The following CAST variants were observed in gnomAD, a reference collection of about 807,000 sequenced individuals.
CAST encodes MIR583 host.
Under a neutral mutation model 119.6 loss-of-function variants are expected in CAST, and 76 were observed. The ratio of observed to expected loss-of-function variants is 0.64; its 90% CI spans 0.53 to 0.77. The LOEUF (loss-of-function observed/expected upper bound fraction) is 0.77. CAST is among the 30% of genes least tolerant of loss of function. The pLI is 0.00. For synonymous variants in CAST, 319 were observed against 331.6 expected (o/e 0.96, Z 0.41); for missense variants, 953 against 946.5 (o/e 1.01, Z -0.09).
the CAST span, among the ~76,000 whole-genome samples, chr5:96,499,792 C>T: frequency 6.6e-6 from 1 of 152,204 alleles, no homozygotes; most frequent in African/African-American, 2.4e-5. Context: ...ATTTCAACAG[C>T]TTGGCTAACT....
At chr5:96,474,181 G>C in the CAST span, among the ~76,000 whole-genome samples, 1 of 152,068 alleles carries the variant, frequency 6.6e-6, no homozygotes, top group African/African-American at 2.4e-5. Flanking sequence ...AAATGTTCTT[G>C]GGCAGCTCAC....
the CAST span, chr5:96,391,997 A>C: frequency 2.0e-5 from 3 of 152,230 alleles, no homozygotes; most frequent in African/African-American, 7.2e-5. Context: ...AGTTTCAAAT[A>C]CTTAGAACAC....
chr5:96,356,146 T>C, the CAST span, among the ~76,000 whole-genome samples: 2 of 152,262 alleles, frequency 1.3e-5, no homozygotes, highest in African/African-American at 4.8e-5. Context: ...TTTTGAGAAG[T>C]GTCTGTTCAT....
chr5:96,126,106 G>T, the CAST span, among the ~76,000 whole-genome samples: 1 of 152,132 alleles, frequency 6.6e-6, no homozygotes, highest in South Asian at 2.1e-4. Context: ...CAGAGTGTGT[G>T]TGCTTGTTTG....
the CAST span, among the ~76,000 whole-genome samples, chr5:96,149,926 T>C: frequency 0.014 from 2,200 of 152,360 alleles, 35 homozygotes; most frequent in South Asian, 0.077. Flanking sequence ...AGATATTTTA[T>C]TGATAAACAT....
At chr5:96,770,328 T>C (rs1214496339) in intron 29 of CAST, 1 of 536,020 alleles carries the variant, frequency 1.9e-6, no homozygotes, top group Non-Finnish European at 3.4e-6. Context: ...ATTTCCCTCC[T>C]TATTTCTATC....
At chr5:96,253,400 G>A in the CAST span, among the ~76,000 whole-genome samples, 2 of 152,096 alleles carry the variant, frequency 1.3e-5, no homozygotes, top group Non-Finnish European at 2.9e-5. Context: ...CTCTGGGGGT[G>A]GGACCCAGGC....
chr5:96,121,947 C>A, the CAST span, among the ~76,000 whole-genome samples: 1 of 150,008 alleles, frequency 6.7e-6, no homozygotes, highest in Non-Finnish European at 1.5e-5. Context: ...AAATTTAGTT[C>A]ATTCTTTCAG....
intron 3 of CAST, among the ~76,000 whole-genome samples, chr5:96,698,574 T>C (rs1238214071): frequency 2.0e-5 from 3 of 152,232 alleles, no homozygotes; most frequent in African/African-American, 7.2e-5. Flanking sequence ...TAATTGCTTA[T>C]TTCTTCTTTT....
the CAST span, among the ~76,000 whole-genome samples, chr5:96,007,599 T>A: frequency 6.6e-5 from 10 of 151,568 alleles, no homozygotes; most frequent in African/African-American, 1.2e-4. Flanking sequence ...ATGAAATTAG[T>A]GCCCTTTTAA....
the CAST span, among the ~76,000 whole-genome samples, chr5:96,094,934 T>A: frequency 2.0e-5 from 3 of 152,226 alleles, no homozygotes; most frequent in African/African-American, 7.2e-5. Context: ...ATTTAAATCA[T>A]CCAGCAAACC....
chr5:96,691,575 A>G (rs1752734789), intron 2 of CAST, among the ~76,000 whole-genome samples: 3 of 152,204 alleles, frequency 2.0e-5, no homozygotes, highest in African/African-American at 7.2e-5. Context: ...CTACCTGGGC[A>G]AGGACTTTGG....
the CAST span, among the ~76,000 whole-genome samples, chr5:96,370,651 C>A: frequency 6.6e-6 from 1 of 151,298 alleles, no homozygotes; most frequent in South Asian, 2.2e-4. Context: ...TTCCAGCTCT[C>A]TTCATATTCA....
the CAST span, among the ~76,000 whole-genome samples, chr5:96,146,898 C>G: frequency 6.6e-6 from 1 of 152,210 alleles, no homozygotes; most frequent in Non-Finnish European, 1.5e-5. Flanking sequence ...ATGAAGCACA[C>G]TGGCTCTTAA....
chr5:96,374,195 A>G, the CAST span, among the ~76,000 whole-genome samples: 1 of 152,192 alleles, frequency 6.6e-6, no homozygotes, highest in Non-Finnish European at 1.5e-5. Flanking sequence ...TGCCTGAACC[A>G]TATGTTTTCC....
the CAST span, among the ~76,000 whole-genome samples, chr5:96,097,260 G>A: frequency 2.0e-5 from 3 of 151,320 alleles, no homozygotes; most frequent in African/African-American, 4.9e-5. Flanking sequence ...AATTAGTTGT[G>A]TCTGCTGTGG....
chr5:96,348,449 A>C, the CAST span, among the ~76,000 whole-genome samples: 27 of 152,000 alleles, frequency 1.8e-4, no homozygotes, highest in East Asian at 4.8e-3. Flanking sequence ...TAAGGAGAAG[A>C]CTCTAGGGAA....
the CAST span, among the ~76,000 whole-genome samples, chr5:96,179,134 T>G: frequency 6.6e-6 from 1 of 152,206 alleles, no homozygotes; most frequent in Non-Finnish European, 1.5e-5. Context: ...GCCTGCTAAC[T>G]GCCCCATCCT....
chr5:96,569,039 A>T (rs1746526745), intron 1 of CAST, among the ~76,000 whole-genome samples: 1 of 152,176 alleles, frequency 6.6e-6, no homozygotes, highest in African/African-American at 2.4e-5. Flanking sequence ...ACACAAACCC[A>T]TGGTGGCCAC....
Sources: allele counts gnomAD v4.1 joint callset (sites outside exome capture counted in the v4.1 genomes callset), GRCh38; gene constraint gnomAD v4.1.1; transcripts MANE v1.5; gene names NCBI Gene and HGNC (gene_info 2026-07-23, HGNC 2026-07-21).